CNBD1: variants seen among roughly 807,000 people sequenced by gnomAD.
The protein encoded by CNBD1 is cyclic nucleotide-binding domain-containing protein 1.
Under a neutral mutation model 54.4 loss-of-function variants are expected in CNBD1, and 71 were observed. The ratio of observed to expected loss-of-function variants is 1.30; its 90% CI spans 1.08 to 1.59. CNBD1 has a LOEUF of 1.59. CNBD1 is among the 40% of genes most tolerant of loss of function. The pLI, the probability that CNBD1 is intolerant of heterozygous loss-of-function variation, is 0.00. For synonymous variants in CNBD1, 182 were observed against 170.7 expected (o/e 1.07, Z -0.51); for missense variants, 659 against 518.0 (o/e 1.27, Z -2.64).
At chr8:86,869,568 C>A (rs1031942022) in intron 1 of CNBD1, among the ~76,000 whole-genome samples, 8 of 152,180 alleles carry the variant, frequency 5.3e-5, no homozygotes, top group Admixed American at 2.0e-4. Context: ...GTTCTTTCTT[C>A]TTTGAAACTT....
chr8:87,102,061 A>G (rs1490688018), intron 4 of CNBD1, among the ~76,000 whole-genome samples: 3 of 151,650 alleles, frequency 2.0e-5, no homozygotes, highest in Non-Finnish European at 1.5e-5. Flanking sequence ...GCTAATTTTT[A>G]TATTTTTAGT....
chr8:87,217,583 T>TC (rs1814239495), intron 5 of CNBD1, among the ~76,000 whole-genome samples: 1 of 151,732 alleles, frequency 6.6e-6, no homozygotes, highest in Non-Finnish European at 1.5e-5. Flanking sequence ...CTTTTTTTTT[T>TC]TTTTTAAATA....
intron 4 of CNBD1, among the ~76,000 whole-genome samples, chr8:87,011,068 G>GA (rs563768139): frequency 2.8e-4 from 43 of 152,154 alleles, no homozygotes; most frequent in African/African-American, 9.6e-4. Flanking sequence ...ATCATAGTTG[G>GA]AGAATCTATG....
At chr8:87,167,640 T>C (rs983838244) in intron 4 of CNBD1, among the ~76,000 whole-genome samples, 13 of 151,934 alleles carry the variant, frequency 8.6e-5, no homozygotes, top group African/African-American at 3.1e-4. Context: ...GGTGGATTTA[T>C]AAGAGTTGAC....
chr8:87,092,834 A>G (rs1384256242), intron 4 of CNBD1, among the ~76,000 whole-genome samples: 1 of 152,098 alleles, frequency 6.6e-6, no homozygotes, highest in Non-Finnish European at 1.5e-5. Context: ...CAATTCTGAA[A>G]TTTGATGTCT....
intron 6 of CNBD1, among the ~76,000 whole-genome samples, chr8:87,265,940 G>A (rs1353041009): frequency 6.6e-6 from 1 of 151,934 alleles, no homozygotes; most frequent in Non-Finnish European, 1.5e-5. Context: ...AGAAACTTAG[G>A]TAATAATCAG....
intron 5 of CNBD1, among the ~76,000 whole-genome samples, chr8:87,230,256 G>A (rs1380336777): frequency 6.6e-6 from 1 of 152,080 alleles, no homozygotes; most frequent in African/African-American, 2.4e-5. Flanking sequence ...TCCCACGGAG[G>A]CCACATCTCC....
chr8:86,976,641 C>A (rs897502373), intron 4 of CNBD1, among the ~76,000 whole-genome samples: 2 of 151,904 alleles, frequency 1.3e-5, no homozygotes, highest in Non-Finnish European at 2.9e-5. Context: ...TGGATACTCT[C>A]ACAATATTAA....
At chr8:86,886,678 A>C (rs1437621116) in intron 1 of CNBD1, among the ~76,000 whole-genome samples, 1 of 152,242 alleles carries the variant, frequency 6.6e-6, no homozygotes, top group East Asian at 1.9e-4. Flanking sequence ...CCAATTCTTC[A>C]TAATTAGAAT....
intron 8 of CNBD1, among the ~76,000 whole-genome samples, chr8:87,341,247 A>G (rs1354136014): frequency 2.6e-5 from 4 of 152,084 alleles, no homozygotes; most frequent in Non-Finnish European, 5.9e-5. Flanking sequence ...AATGCTTCCC[A>G]GCTCTTTTTT....
At chr8:86,927,896 G>A (rs191898188) in intron 3 of CNBD1, among the ~76,000 whole-genome samples, 1 of 152,182 alleles carries the variant, frequency 6.6e-6, no homozygotes, top group African/African-American at 2.4e-5. Flanking sequence ...TATCGAGGCT[G>A]GTCTGGCTGA....
chr8:87,079,631 A>G (rs1810945961), intron 4 of CNBD1, among the ~76,000 whole-genome samples: 1 of 152,128 alleles, frequency 6.6e-6, no homozygotes, highest in South Asian at 2.1e-4. Context: ...TTATTGATTT[A>G]TCTTTTGTGT....
At chr8:87,083,088 C>A (rs1275933797) in intron 4 of CNBD1, among the ~76,000 whole-genome samples, 1 of 152,196 alleles carries the variant, frequency 6.6e-6, no homozygotes, top group African/African-American at 2.4e-5. Context: ...AAATTCTCAT[C>A]AGATGGGTTT....
At chr8:87,007,438 A>G (rs1809126391) in intron 4 of CNBD1, among the ~76,000 whole-genome samples, 1 of 152,066 alleles carries the variant, frequency 6.6e-6, no homozygotes, top group African/African-American at 2.4e-5. Context: ...TTTATATTTT[A>G]TCTTTCAGAT....
At chr8:87,256,015 A>ATATACATATT (rs1563526157) in intron 6 of CNBD1, among the ~76,000 whole-genome samples, 1 of 15,786 alleles carries the variant, frequency 6.3e-5, no homozygotes, top group Admixed American at 1.3e-3. Flanking sequence ...ATATATATAT[A>ATATACATATT]TTTTTTTTTT....
At chr8:86,890,601 C>A (rs1040310582) in intron 2 of CNBD1, among the ~76,000 whole-genome samples, 6 of 152,074 alleles carry the variant, frequency 3.9e-5, no homozygotes, top group Admixed American at 3.9e-4. Flanking sequence ...GATACATACC[C>A]AGAAGTGAGA....
intron 4 of CNBD1, among the ~76,000 whole-genome samples, chr8:87,180,727 A>G (rs1392335590): frequency 6.6e-6 from 1 of 152,164 alleles, no homozygotes. Context: ...CACCTGGACT[A>G]AAAAAGAAGG....
chr8:87,267,674 A>C (rs1315041189), intron 6 of CNBD1, among the ~76,000 whole-genome samples: 1 of 152,190 alleles, frequency 6.6e-6, no homozygotes, highest in African/African-American at 2.4e-5. Flanking sequence ...TATAGCATAC[A>C]ACAATGGAAA....
chr8:87,358,403 C>T (rs1810461630), intron 10 of CNBD1, among the ~76,000 whole-genome samples: 1 of 152,080 alleles, frequency 6.6e-6, no homozygotes, highest in Admixed American at 6.6e-5. Flanking sequence ...TACTAACCAC[C>T]AATTAAAATG....
Sources: allele counts gnomAD v4.1 joint callset (sites outside exome capture counted in the v4.1 genomes callset), GRCh38; gene constraint gnomAD v4.1.1; transcripts MANE v1.5; gene names NCBI Gene and HGNC (gene_info 2026-07-23, HGNC 2026-07-21).